Variants in APCDD1L observed in about 807,000 individuals in gnomAD.
APCDD1L encodes protein APCDD1-like.
Under a neutral mutation model 24.2 loss-of-function variants are expected in APCDD1L, and 21 were observed. That is an observed-to-expected ratio of 0.87 (90% CI 0.61 to 1.25). The LOEUF (loss-of-function observed/expected upper bound fraction) is 1.25, where lower values mean the gene tolerates loss of function less well. Ranked by LOEUF, APCDD1L falls within the 50% of genes most tolerant of loss-of-function variation. The probability of loss-of-function intolerance (pLI) is 0.00; values close to 1 mark genes in which losing one functional copy is unlikely to be tolerated. For missense variants in APCDD1L, 704 were observed against 711.7 expected (o/e 0.99, Z 0.12); for synonymous variants, 321 against 323.6 (o/e 0.99, Z 0.09).
intron 1 of APCDD1L, among the ~76,000 whole-genome samples, chr20:58,512,843 G>A (rs1441282848): frequency 6.7e-6 from 1 of 148,756 alleles, no homozygotes; most frequent in Non-Finnish European, 1.5e-5. Context: ...CAGGCTGAAC[G>A]GCACCCTCCC....
At chr20:58,466,308 C>T (rs568853856) in intron 3 of APCDD1L, among the ~76,000 whole-genome samples, 1 of 152,202 alleles carries the variant, frequency 6.6e-6, no homozygotes, top group East Asian at 1.9e-4. Flanking sequence ...CCCCACACCC[C>T]GGACAGCTTG....
intron 1 of APCDD1L, among the ~76,000 whole-genome samples, chr20:58,504,660 G>T (rs1990500740): frequency 1.3e-5 from 2 of 152,172 alleles, no homozygotes; most frequent in South Asian, 4.1e-4. Context: ...TGGGGTTCCA[G>T]TTCCCTGTTC....
chr20:58,477,920 C>G (rs1037630756), intron 1 of APCDD1L, among the ~76,000 whole-genome samples: 2 of 152,214 alleles, frequency 1.3e-5, no homozygotes, highest in African/African-American at 4.8e-5. Flanking sequence ...ATGCCCAGCT[C>G]TTTCTGAGTT....
chr20:58,490,018 C>A (rs1568745794), intron 1 of APCDD1L, among the ~76,000 whole-genome samples: 1 of 152,156 alleles, frequency 6.6e-6, no homozygotes, highest in Non-Finnish European at 1.5e-5. Flanking sequence ...TAACTTGAGT[C>A]TTCTATGATA....
At chr20:58,493,839 G>A (rs937687424) in intron 1 of APCDD1L, among the ~76,000 whole-genome samples, 1 of 152,182 alleles carries the variant, frequency 6.6e-6, no homozygotes, top group East Asian at 1.9e-4. Context: ...TTAACAACAC[G>A]ACACCAGAGT....
At chr20:58,484,719 G>T (rs991740147) in intron 1 of APCDD1L, among the ~76,000 whole-genome samples, 11 of 152,270 alleles carry the variant, frequency 7.2e-5, no homozygotes, top group African/African-American at 2.6e-4. Flanking sequence ...ATAACTCAGG[G>T]AGGCCGGTGC....
At chr20:58,499,782 G>A (rs1990395876) in intron 1 of APCDD1L, among the ~76,000 whole-genome samples, 1 of 152,132 alleles carries the variant, frequency 6.6e-6, no homozygotes, top group Non-Finnish European at 1.5e-5. Context: ...ACCCATCCCT[G>A]TCTCTCCTCT....
chr20:58,513,690 A>G, intron 1 of APCDD1L: 1 of 404,054 alleles, frequency 2.5e-6, no homozygotes, highest in East Asian at 7.2e-5. Context: ...GCCAGGCAGC[A>G]AGTGGAGTGA....
At chr20:58,480,919 C>A (rs1001981449) in intron 1 of APCDD1L, among the ~76,000 whole-genome samples, 6 of 152,222 alleles carry the variant, frequency 3.9e-5, no homozygotes, top group African/African-American at 1.4e-4. Context: ...CAGATGGAAG[C>A]GTTTCCCTTT....
chr20:58,495,168 T>C (rs6100090), intron 1 of APCDD1L, among the ~76,000 whole-genome samples: 78 of 152,300 alleles, frequency 5.1e-4, no homozygotes, highest in African/African-American at 1.9e-3. Flanking sequence ...CTGCCAACCC[T>C]AGTGTCGTAC....
In APCDD1L at chr20:58,467,355, C is replaced by G. The variant is rs958480710; in HGVS notation, c.492G>C (p.Pro164=). 5.4e-6 allele frequency: 8 copies of G among 1,474,690 alleles called. No individual in the cohort carries two copies. Among genetic ancestry groups the G allele is most frequent in the South Asian group, 2.7e-5 (2 of 74,622 alleles). 91.4% of individuals were successfully genotyped at this position (1,474,690 alleles called of 1,614,324 possible). Residue 164 remains proline (P), a synonymous_variant, in exon 3 of 4, where the codon CCG becomes CCC. Transcript: ENST00000371149. This position sits in a 1 kb window ranked among gnomAD's most constrained non-coding sequence, Gnocchi z 5.9. ...AGRDCARRLP[P]ARAWLPGALY... ...GCGCCCCAGGCAGCCAGGCCCGGGCCGGAGGCAGCCGCCGCGCGCAGTCCC... is the reference window on the plus strand; with the variant it reads ...GCGCCCCAGGCAGCCAGGCCCGGGCGGGAGGCAGCCGCCGCGCGCAGTCCC...
At chr20:58,499,857 T>G (rs996192911) in intron 1 of APCDD1L, among the ~76,000 whole-genome samples, 1 of 152,250 alleles carries the variant, frequency 6.6e-6, no homozygotes, top group African/African-American at 2.4e-5. Context: ...CCTCTTTTTT[T>G]TCTCTCATAA....
intron 1 of APCDD1L, among the ~76,000 whole-genome samples, chr20:58,507,758 G>C (rs1423356515): frequency 6.6e-6 from 1 of 152,170 alleles, no homozygotes; most frequent in Non-Finnish European, 1.5e-5. Flanking sequence ...ACAAGAGACA[G>C]CTAGTTTTCT....
At chr20:58,469,140 T>G (rs1444788563) in intron 2 of APCDD1L, among the ~76,000 whole-genome samples, 1 of 152,208 alleles carries the variant, frequency 6.6e-6, no homozygotes, top group Non-Finnish European at 1.5e-5. Flanking sequence ...CAAGTGGCTC[T>G]GCTCCCCATA....
chr20:58,511,921 A>G (rs1470045475), intron 1 of APCDD1L, among the ~76,000 whole-genome samples: 1 of 152,050 alleles, frequency 6.6e-6, no homozygotes, highest in African/African-American at 2.4e-5. Context: ...TACAAGTTCG[A>G]AAAAAAAGCA....
chr20:58,475,292 C>T (rs905929759), intron 1 of APCDD1L, among the ~76,000 whole-genome samples: 13 of 152,110 alleles, frequency 8.5e-5, no homozygotes, highest in Non-Finnish European at 1.5e-4. Flanking sequence ...AAGCAAGGCA[C>T]GAACGAACAC....
chr20:58,467,715 C>T lies in APCDD1L; in HGVS notation c.189-57G>A, dbSNP rs1989745221. ...AGAGGGAACACCGCGCCGCGAGCCCCTCTCCCCTCTGGGCTGGGCTCCTTT... is the reference window on the plus strand; with the variant it reads ...AGAGGGAACACCGCGCCGCGAGCCCTTCTCCCCTCTGGGCTGGGCTCCTTT... On this transcript the variant is annotated intron_variant, in intron 2 of 3. Transcript: ENST00000371149. The surrounding 1 kb of genome is among the most constrained non-coding windows in gnomAD (Gnocchi z 5.9). 5.0e-6 allele frequency: 7 copies of T among 1,386,584 alleles called. No individual in the cohort carries two copies. The highest frequency in any genetic ancestry group is 1.7e-5 in the South Asian group (1 of 58,008). The allele number at this position is 1,386,584 out of a possible 1,614,324, so 85.9% of individuals were successfully genotyped here.
Position 58,460,986 on chromosome 20 carries a change from C to T in APCDD1L, c.1310G>A (p.Ser437Asn). ...FIGQRPTDGS[S>N]PDTPEKRPTS... is the part of the protein sequence containing the mutation. ...GGGACGTTTCTCTGGGGTATCGGGA[C>T]TTGAGCCATCGGTGGGCCTTTGTCC... Residue 437 changes from serine to asparagine, a missense_variant, in exon 4 of 4, where the codon AGT becomes AAT. Transcript: ENST00000371149. The surrounding 1 kb of genome is among the most constrained non-coding windows in gnomAD (Gnocchi z 4.2). 1 of 1,614,162 alleles carries T rather than the reference C, an allele frequency of 6.2e-7. No homozygotes were observed. Among genetic ancestry groups the T allele is most frequent in the Non-Finnish European group, 8.5e-7 (1 of 1,180,012 alleles).
chr20:58,500,336 C>T (rs1341763376), intron 1 of APCDD1L, among the ~76,000 whole-genome samples: 1 of 152,188 alleles, frequency 6.6e-6, no homozygotes, highest in Non-Finnish European at 1.5e-5. Flanking sequence ...CAGTCAGCAT[C>T]TAATGAGGGG....
Sources: allele counts gnomAD v4.1 joint callset (sites outside exome capture counted in the v4.1 genomes callset), GRCh38; gene constraint gnomAD v4.1.1; non-coding constraint Gnocchi (gnomAD v3.1); transcripts MANE v1.5; gene names NCBI Gene and HGNC (gene_info 2026-07-23, HGNC 2026-07-21).